SPIDR: variants seen among roughly 807,000 people sequenced by gnomAD.
The protein encoded by SPIDR is scaffold protein involved in DNA repair.
In SPIDR, 93 loss-of-function variants were observed where a neutral mutation model predicts 104.6. The observed-to-expected ratio is 0.89, with a 90% CI of 0.75 to 1.06. SPIDR has a LOEUF of 1.06. SPIDR is among the 50% of genes least tolerant of loss of function. The pLI is 0.00. For synonymous variants in SPIDR, 431 were observed against 416.9 expected, an observed-to-expected ratio of 1.03 and a Z score of -0.41; for missense variants, 1,154 against 1,111.2, an observed-to-expected ratio of 1.04 and a Z score of -0.55.
At chr8:47,561,319 G>T (rs1564337692) in intron 8 of SPIDR, among the ~76,000 whole-genome samples, 1 of 152,142 alleles carries the variant, frequency 6.6e-6, no homozygotes, top group Admixed American at 6.6e-5. Context: ...GAGTCTCCAA[G>T]CAGAACTGAT....
intron 10 of SPIDR, among the ~76,000 whole-genome samples, chr8:47,624,594 G>A (rs1186981238): frequency 6.6e-6 from 1 of 152,142 alleles, no homozygotes; most frequent in Non-Finnish European, 1.5e-5. Context: ...TACCATCAGA[G>A]AATACTATAA....
At chr8:47,515,917 C>G (rs977364282) in intron 8 of SPIDR, among the ~76,000 whole-genome samples, 1 of 152,232 alleles carries the variant, frequency 6.6e-6, no homozygotes, top group Non-Finnish European at 1.5e-5. Flanking sequence ...TCAAGCGATT[C>G]TCCTGCCTCA....
intron 10 of SPIDR, among the ~76,000 whole-genome samples, chr8:47,604,302 G>A (rs1285351844): frequency 6.6e-6 from 1 of 152,338 alleles, no homozygotes; most frequent in East Asian, 1.9e-4. Context: ...ACAGGAGGGA[G>A]AAGCCAGCAT....
At chr8:47,488,850 C>T (rs1554734887) in intron 8 of SPIDR, among the ~76,000 whole-genome samples, 1 of 152,110 alleles carries the variant, frequency 6.6e-6, no homozygotes, top group African/African-American at 2.4e-5. Flanking sequence ...TGGGACGTAT[C>T]TCAAAATAAT....
intron 10 of SPIDR, chr8:47,673,514 A>G (rs1290336701): frequency 5.8e-6 from 3 of 515,202 alleles, no homozygotes; most frequent in East Asian, 5.1e-5. Flanking sequence ...TATTTGGCTT[A>G]GGTTTTAGTT....
intron 5 of SPIDR, among the ~76,000 whole-genome samples, chr8:47,389,455 C>T (rs1453359061): frequency 2.0e-5 from 3 of 151,852 alleles, no homozygotes; most frequent in Admixed American, 6.6e-5. Flanking sequence ...TTTGGGAGGC[C>T]GAGGCGGGCA....
chr8:47,442,503 G>T (rs1174402208), intron 8 of SPIDR, among the ~76,000 whole-genome samples: 3 of 152,166 alleles, frequency 2.0e-5, no homozygotes, highest in Non-Finnish European at 4.4e-5. Context: ...GTCTGGCAGG[G>T]TTCTGATGTG....
At chr8:47,280,049 T>C (rs2037400327) in intron 2 of SPIDR, 32 bp downstream of exon 2, 1 of 1,602,460 alleles carries the variant, frequency 6.2e-7, no homozygotes, top group Non-Finnish European at 8.5e-7. Context: ...TTTCCCTGAA[T>C]GCCAAAGAGG....
chr8:47,318,164 C>T (rs999889107), intron 5 of SPIDR, among the ~76,000 whole-genome samples: 90 of 152,080 alleles, frequency 5.9e-4, no homozygotes, highest in Non-Finnish European at 2.2e-4. Context: ...GGAGGAAGTT[C>T]GAACCCATGG....
intron 8 of SPIDR, among the ~76,000 whole-genome samples, chr8:47,510,853 C>A (rs2082208056): frequency 6.6e-6 from 1 of 151,990 alleles, no homozygotes; most frequent in Non-Finnish European, 1.5e-5. Flanking sequence ...CACAAAAACC[C>A]AGGAAATACA....
chr8:47,280,473 A>G (rs1346185288), intron 2 of SPIDR, among the ~76,000 whole-genome samples: 1 of 150,902 alleles, frequency 6.6e-6, no homozygotes, highest in Non-Finnish European at 1.5e-5. Flanking sequence ...GCTCGCTGCA[A>G]CCTCCGCCTC....
intron 19 of SPIDR, 149 bp downstream of exon 19, chr8:47,729,614 A>C: frequency 2.5e-6 from 2 of 812,610 alleles, no homozygotes; most frequent in Non-Finnish European, 3.8e-6. Flanking sequence ...TGAAATGCAG[A>C]TATGTCTGCC....
chr8:47,570,904 A>T (rs541046605), intron 8 of SPIDR, among the ~76,000 whole-genome samples: 10 of 152,272 alleles, frequency 6.6e-5, no homozygotes, highest in African/African-American at 2.4e-4. Flanking sequence ...CAGCCTGGCC[A>T]ATATGGTGAA....
intron 7 of SPIDR, among the ~76,000 whole-genome samples, chr8:47,435,438 GT>G (rs2154341193): frequency 6.6e-6 from 1 of 151,184 alleles, no homozygotes; most frequent in South Asian, 2.1e-4. Context: ...TTCAGCAAAT[GT>G]TGTTATTCTT....
intron 7 of SPIDR, among the ~76,000 whole-genome samples, chr8:47,414,198 CA>C (rs1272087542): frequency 6.6e-6 from 1 of 152,114 alleles, no homozygotes; most frequent in Non-Finnish European, 1.5e-5. Flanking sequence ...GATATTAATA[CA>C]CATAGAATTC....
rs977708119 is a variant in SPIDR, at chr8:47,336,259, T to C, written c.525+42229T>C. Among the ~76,000 whole-genome samples, 3 of 152,244 alleles carry C rather than the reference T, an allele frequency of 2.0e-5. No individual in the cohort carries two copies. In the East Asian group the frequency reaches 5.8e-4, roughly 29 times the overall value. The stretch of plus-strand genomic sequence containing the variant: ...GTGTTTTTACACTTTTTGGCTGTTA[T>C]GAATACTGTTGCTCTGAAATTGATC... On this transcript the variant is annotated intron_variant, in intron 5 of 19. Coordinates refer to ENST00000297423, the MANE Select transcript of SPIDR (RefSeq NM_001080394.4).
intron 16 of SPIDR, among the ~76,000 whole-genome samples, chr8:47,723,815 C>G (rs1299503292): frequency 2.0e-5 from 3 of 152,112 alleles, no homozygotes; most frequent in Non-Finnish European, 4.4e-5. Flanking sequence ...TTTCAAATAA[C>G]ACTGTCCTGC....
chr8:47,427,286 T>C (rs1314467314), intron 7 of SPIDR, among the ~76,000 whole-genome samples: 1 of 149,596 alleles, frequency 6.7e-6, no homozygotes, highest in Admixed American at 6.7e-5. Context: ...GGATTACCAT[T>C]GGAAAAGGGT....
At chr8:47,319,870 C>A (rs2046191442) in intron 5 of SPIDR, among the ~76,000 whole-genome samples, 1 of 151,820 alleles carries the variant, frequency 6.6e-6, no homozygotes, top group Non-Finnish European at 1.5e-5. Context: ...GAAATGAAAG[C>A]AGAAATAAAG....
Sources: allele counts gnomAD v4.1 joint callset (sites outside exome capture counted in the v4.1 genomes callset), GRCh38; gene constraint gnomAD v4.1.1; transcripts MANE v1.5; gene names NCBI Gene and HGNC (gene_info 2026-07-23, HGNC 2026-07-21).